The following RCC1L variants were observed in gnomAD, a reference collection of about 807,000 sequenced individuals.
The protein encoded by RCC1L is RCC1 like, also known as RCC1-like G exchanging factor-like protein.
Under a neutral mutation model 58.6 loss-of-function variants are expected in RCC1L, and 46 were observed. The observed-to-expected ratio is 0.79, with a 90% CI of 0.62 to 1.00. The LOEUF (loss-of-function observed/expected upper bound fraction) is 1.00. Among genes scored for constraint, RCC1L ranks in the 50% least tolerant of loss-of-function variants. RCC1L has a pLI of 0.00. For synonymous variants in RCC1L, 281 were observed against 262.9 expected (o/e 1.07, Z -0.67); for missense variants, 636 against 623.6 (o/e 1.02, Z -0.21).
At chr7:75,048,616 C>G (rs1305323666) in intron 10 of RCC1L, among the ~76,000 whole-genome samples, 1 of 152,258 alleles carries the variant, frequency 6.6e-6, no homozygotes, top group Non-Finnish European at 1.5e-5. Context: ...CCTGCCCTCC[C>G]CCGAAGCCAG....
chr7:75,032,273 A>C (rs1358317851), intron 10 of RCC1L, among the ~76,000 whole-genome samples: 1 of 152,134 alleles, frequency 6.6e-6, no homozygotes, highest in Non-Finnish European at 1.5e-5. Flanking sequence ...TGGCAAGGGA[A>C]GGGTCAGGGG....
At chr7:75,056,738 G>A (rs960442731) in intron 8 of RCC1L, 77 of 1,534,458 alleles carry the variant, frequency 5.0e-5, no homozygotes, top group South Asian at 8.3e-5. Flanking sequence ...CAGATAAATC[G>A]CAGACTATTC....
downstream of RCC1L, among the ~76,000 whole-genome samples, chr7:75,038,821 C>G (rs1805484567): frequency 1.3e-5 from 2 of 152,172 alleles, no homozygotes; most frequent in South Asian, 4.1e-4. Context: ...GCTCACTGAG[C>G]CTTGTGAAGC....
Position 75,066,742 on chromosome 7 carries a change from C to T in RCC1L, c.505G>A (p.Asp169Asn), listed in dbSNP as rs1422625350. Residue 169 changes from aspartate (D) to asparagine (N), a missense_variant, in exon 3 of 11, where the codon GAC becomes AAC. Physicochemically the swap from Asp to Asn is conservative, Grantham distance 23. Transcript: ENST00000610322. The stretch of plus-strand genomic sequence containing the variant: ...AGCACCCGTGTCTCCTGAGGTCTGT[C>T]CAGAGGCAGGGAGACGGGTGAGGGC... ...LEPSPVSLPL[D>N]RPQETRVLQV... The T allele has an allele frequency of 1.9e-6, 3 of 1,613,500 alleles. No homozygotes were observed. The highest frequency in any genetic ancestry group is 2.5e-6 in the Non-Finnish European group (3 of 1,179,732).
At chr7:75,037,671 A>C (rs1484081706), downstream of RCC1L, among the ~76,000 whole-genome samples, 1 of 151,744 alleles carries the variant, frequency 6.6e-6, no homozygotes. Flanking sequence ...CACCCAGCTA[A>C]TTTTTGTAGT....
At chr7:75,028,116 ATT>A (rs71098023) in intron 10 of RCC1L, 14,313 of 1,232,696 alleles carry the variant, frequency 0.012, no homozygotes, top group East Asian at 0.021. Context: ...ATGATGTGGA[ATT>A]TTTTTTTTTT....
At chr7:75,062,394 C>A (rs1390354052) in intron 5 of RCC1L, among the ~76,000 whole-genome samples, 2 of 152,038 alleles carry the variant, frequency 1.3e-5, no homozygotes, top group African/African-American at 2.4e-5. Context: ...ACCTGTAGAC[C>A]CAGCTACACA....
downstream of RCC1L, among the ~76,000 whole-genome samples, chr7:75,039,918 T>A (rs901222507): frequency 1.6e-4 from 25 of 151,948 alleles, no homozygotes; most frequent in Admixed American, 9.8e-4. Context: ...TGGACGTGTG[T>A]GTCAAATGCT....
At position 75,072,161 on chromosome 7, in the gene RCC1L, C is replaced by CATATATATATATATATATAT. The variant is rs1165938365; in HGVS notation, c.324+1233_324+1252dup. On this transcript the variant is annotated intron_variant, in intron 1 of 10. Transcript: ENST00000610322. ...ATTTATACATATACATATACATATACATATATATATATATATATATATATA... is the reference window on the plus strand; with the variant it reads ...ATTTATACATATACATATACATATACATATATATATATATATATATATATATATATATATATATATATATA... 1.3e-3 allele frequency among the ~76,000 whole-genome samples: 59 copies of CATATATATATATATATATAT among 46,320 alleles called. 1 individual carries two copies. The highest frequency in any genetic ancestry group is 3.6e-3 in the South Asian group (4 of 1,120). 30.4% of individuals were successfully genotyped at this position (46,320 alleles called of 152,430 possible). A position where few individuals can be genotyped will look rare whatever the true frequency, so the allele number is the denominator to read the frequency against.
chr7:75,052,130 G>A (rs905775278), intron 10 of RCC1L, among the ~76,000 whole-genome samples: 4 of 152,010 alleles, frequency 2.6e-5, no homozygotes, highest in East Asian at 3.9e-4. Flanking sequence ...GCATACTACC[G>A]CCCCTAAGGA....
In RCC1L at chr7:75,073,800, C is replaced by A; in HGVS notation, c.-63G>T. 1.3e-6 allele frequency: 2 copies of A among 1,500,454 alleles called. No individual in the cohort carries two copies. Among genetic ancestry groups the A allele is most frequent in the South Asian group, 2.5e-5 (2 of 79,624 alleles). The allele number at this position is 1,500,454 out of a possible 1,614,324, so 92.9% of individuals were successfully genotyped here. A position where few individuals can be genotyped will look rare whatever the true frequency, so the allele number is the denominator to read the frequency against. ...ATCTTGCGTGACCCTTAACACCAGT[C>A]CTCGCCGGAAGAGGCTACGGCCACT... On this transcript the variant is annotated 5_prime_UTR_variant, in exon 1 of 11. Transcript: ENST00000610322.
chr7:75,072,161 C>CATATACATATATAT (rs1455614533), intron 1 of RCC1L, among the ~76,000 whole-genome samples: 676 of 46,286 alleles, frequency 0.015, 22 homozygotes, highest in Middle Eastern at 0.058. Context: ...TATACATATA[C>CATATACATATATAT]ATATATATAT....
At chr7:75,039,690 A>G (rs1192720784), downstream of RCC1L, among the ~76,000 whole-genome samples, 1 of 151,978 alleles carries the variant, frequency 6.6e-6, no homozygotes, top group African/African-American at 2.4e-5. Flanking sequence ...TGCCTCTCTG[A>G]CCTTGGTTAC....
intron 1 of RCC1L, among the ~76,000 whole-genome samples, chr7:75,072,947 T>C (rs1275175556): frequency 6.6e-6 from 1 of 152,088 alleles, no homozygotes; most frequent in Admixed American, 6.6e-5. Flanking sequence ...CTCTAAAAAA[T>C]AAATTAAAAC....
chr7:75,036,567 G>A (rs951266180), intron 10 of RCC1L, among the ~76,000 whole-genome samples: 14 of 152,078 alleles, frequency 9.2e-5, no homozygotes, highest in Non-Finnish European at 1.5e-4. Context: ...TGAGGAGCAC[G>A]TGGTTTATCA....
At chr7:75,063,932 AAAAAATAAAT>A (rs1405492806) in intron 4 of RCC1L, among the ~76,000 whole-genome samples, 1 of 152,160 alleles carries the variant, frequency 6.6e-6, no homozygotes, top group African/African-American at 2.4e-5. Flanking sequence ...ACAAACAAAC[AAAAAATAAAT>A]AAAAATAAAA....
intron 6 of RCC1L, among the ~76,000 whole-genome samples, chr7:75,060,031 G>A (rs1464727690): frequency 1.3e-5 from 2 of 152,068 alleles, no homozygotes; most frequent in Non-Finnish European, 2.9e-5. Flanking sequence ...CAAAGTGCTG[G>A]GATTACAGGC....
Position 75,042,557 on chromosome 7 carries a change from T to C in RCC1L, c.*475A>G. 2.0e-6 allele frequency: 2 copies of C among 999,464 alleles called. No homozygotes were observed. Among genetic ancestry groups the C allele is most frequent in the Non-Finnish European group, 1.2e-6 (1 of 837,660 alleles). The allele number at this position is 999,464 out of a possible 1,614,324, so 61.9% of individuals were successfully genotyped here. A position where few individuals can be genotyped will look rare whatever the true frequency, so the allele number is the denominator to read the frequency against. ...AGGGCCATGAGCAGGGTGGCCTGAA[T>C]GAAAACCGAGGGCCGAAGCCAGCCT... On this transcript the variant is annotated 3_prime_UTR_variant, in exon 11 of 11. Transcript: ENST00000610322.
At chr7:75,064,970 G>A (rs1365521536) in intron 3 of RCC1L, among the ~76,000 whole-genome samples, 2 of 151,970 alleles carry the variant, frequency 1.3e-5, no homozygotes, top group African/African-American at 2.4e-5. Flanking sequence ...TAAATGCAGC[G>A]CCTCTGCCCT....
Sources: gnomAD v4.1 joint callset for allele counts (sites outside exome capture counted in the v4.1 genomes callset) on GRCh38, gnomAD v4.1.1 for gene constraint, MANE v1.5 for transcripts, NCBI Gene and HGNC (gene_info 2026-07-23, HGNC 2026-07-21) for gene names.